The following NRXN3 variants were observed in gnomAD, a reference collection of about 807,000 sequenced individuals.
NRXN3 encodes neurexin 3, also known as neurexin III.
A neutral mutation model predicts 137.6 loss-of-function variants in NRXN3; 32 were observed. The observed-to-expected ratio is 0.23, with a 90% CI of 0.18 to 0.31. NRXN3 has a LOEUF of 0.31. Ranked by LOEUF, NRXN3 falls within the 10% of genes least tolerant of loss-of-function variation. The pLI, the probability that NRXN3 is intolerant of heterozygous loss-of-function variation, is 1.00. For synonymous variants in NRXN3, 798 were observed against 784.5 expected (o/e 1.02, Z -0.29); for missense variants, 1,574 against 2,062.5 (o/e 0.76, Z 4.59).
intron 6 of NRXN3, among the ~76,000 whole-genome samples, chr14:78,669,252 G>T (rs2097914005): frequency 6.7e-6 from 1 of 149,864 alleles, no homozygotes; most frequent in Non-Finnish European, 1.5e-5. Flanking sequence ...AAAGGAAGTA[G>T]AAGTGGCGGT....
chr14:78,785,311 T>C (rs992342243), intron 8 of NRXN3, among the ~76,000 whole-genome samples: 7 of 152,178 alleles, frequency 4.6e-5, no homozygotes, highest in African/African-American at 1.7e-4. Context: ...ACAGTGTCAC[T>C]GAGTCATAAA....
Position 78,810,318 on chromosome 14 carries a change from A to G in NRXN3, c.2249A>G (p.Asp750Gly). ...GGRVKLMVNL[D>G]CIRINCNSSK... is the part of the protein sequence containing the mutation. ...CTTTCATTTATTTTTCCCCATCTAGACTGTATCAGGATAAACTGTAACTCC... is the reference window on the plus strand; with the variant it reads ...CTTTCATTTATTTTTCCCCATCTAGGCTGTATCAGGATAAACTGTAACTCC... Residue 750 changes from aspartate (D) to glycine (G), a missense_variant and splice_region_variant, in exon 10 of 21, where the codon GAC becomes GGC. Physicochemically the swap from Asp to Gly is moderately conservative, Grantham distance 94. Coordinates refer to ENST00000335750, the MANE Select transcript of NRXN3 (RefSeq NM_001330195.2). 6.6e-7 allele frequency: 1 copy of G among 1,508,092 alleles called. No homozygotes were observed. Among genetic ancestry groups the G allele is most frequent in the South Asian group, 1.3e-5 (1 of 78,340 alleles). 93.4% of individuals were successfully genotyped at this position (1,508,092 alleles called of 1,614,324 possible). A position where few individuals can be genotyped will look rare whatever the true frequency, so the allele number is the denominator to read the frequency against.
chr14:78,449,967 A>G (rs2094512342), intron 4 of NRXN3, among the ~76,000 whole-genome samples: 2 of 152,100 alleles, frequency 1.3e-5, no homozygotes, highest in South Asian at 4.1e-4. Context: ...TGTCTACCCA[A>G]CTCATTTCCT....
At chr14:79,029,285 G>A (rs114675175) in intron 15 of NRXN3, among the ~76,000 whole-genome samples, 2,225 of 152,174 alleles carry the variant, frequency 0.015, 37 homozygotes, top group African/African-American at 0.042. Context: ...TAACCATATA[G>A]CATCTATTTG....
intron 15 of NRXN3, among the ~76,000 whole-genome samples, chr14:79,227,795 T>TTCCTTCCTTCCTTCCC (rs1568684986): frequency 3.3e-5 from 1 of 30,644 alleles, no homozygotes; most frequent in Admixed American, 4.7e-4. Context: ...CCCTCCTCCC[T>TTCCTTCCTTCCTTCCC]TCCTCCCTTC....
chr14:79,125,747 C>T (rs1318507442), intron 15 of NRXN3, among the ~76,000 whole-genome samples: 2 of 152,126 alleles, frequency 1.3e-5, no homozygotes, highest in Non-Finnish European at 2.9e-5. Flanking sequence ...TGATGTCAGT[C>T]TTCTGGTTGA....
intron 15 of NRXN3, among the ~76,000 whole-genome samples, chr14:79,437,401 T>C (rs1315187070): frequency 1.3e-5 from 2 of 151,396 alleles, no homozygotes; most frequent in Admixed American, 1.3e-4. Context: ...ATGTTAATCC[T>C]GAAATGTGCG....
intron 4 of NRXN3, among the ~76,000 whole-genome samples, chr14:78,506,643 GTTT>G (rs71131653): frequency 3.7e-3 from 386 of 105,176 alleles, no homozygotes; most frequent in African/African-American, 0.012. Context: ...TCTCATTGTA[GTTT>G]TTTTTTTTTT....
chr14:78,859,061 G>C (rs1334408715), intron 10 of NRXN3, among the ~76,000 whole-genome samples: 4 of 152,056 alleles, frequency 2.6e-5, no homozygotes, highest in Admixed American at 6.6e-5. Context: ...AAATCACAGG[G>C]GGGCGGTTTC....
At chr14:78,815,686 C>T (rs904764919) in intron 10 of NRXN3, among the ~76,000 whole-genome samples, 1 of 151,820 alleles carries the variant, frequency 6.6e-6, no homozygotes, top group Non-Finnish European at 1.5e-5. Flanking sequence ...CTCCATGGTA[C>T]AAGAATATGT....
At chr14:78,273,409 A>G (rs889062262) in intron 2 of NRXN3, among the ~76,000 whole-genome samples, 2 of 152,204 alleles carry the variant, frequency 1.3e-5, no homozygotes, top group African/African-American at 4.8e-5. Context: ...TGATTTTATT[A>G]CCTTCATATA....
At chr14:79,504,082 T>TAC (rs1470281968) in intron 16 of NRXN3, among the ~76,000 whole-genome samples, 1 of 152,204 alleles carries the variant, frequency 6.6e-6, no homozygotes, top group Non-Finnish European at 1.5e-5. Context: ...TACTATAATG[T>TAC]ACACTCTTAC....
intron 15 of NRXN3, among the ~76,000 whole-genome samples, chr14:79,252,119 A>G (rs76191705): frequency 0.013 from 2,044 of 152,324 alleles, 25 homozygotes; most frequent in East Asian, 0.045. Context: ...GTTGACAGTT[A>G]AATATCCTAT....
At chr14:78,557,777 A>G (rs1566741252) in intron 4 of NRXN3, among the ~76,000 whole-genome samples, 1 of 152,218 alleles carries the variant, frequency 6.6e-6, no homozygotes, top group Non-Finnish European at 1.5e-5. Flanking sequence ...GTCAAAGAAT[A>G]TCTACACTCC....
At chr14:78,215,771 T>G (rs11624826) in intron 1 of NRXN3, among the ~76,000 whole-genome samples, 642 of 109,452 alleles carry the variant, frequency 5.9e-3, no homozygotes, top group South Asian at 8.6e-3. Flanking sequence ...TGCAGGGGGG[T>G]GGGGGGGGCA....
intron 15 of NRXN3, among the ~76,000 whole-genome samples, chr14:79,425,493 T>C (rs907710394): frequency 6.6e-6 from 1 of 152,204 alleles, no homozygotes; most frequent in Non-Finnish European, 1.5e-5. Flanking sequence ...TTTCTATCAG[T>C]CAGATTTATA....
At chr14:79,287,569 A>G (rs1338427568) in intron 15 of NRXN3, among the ~76,000 whole-genome samples, 1 of 152,150 alleles carries the variant, frequency 6.6e-6, no homozygotes, top group Admixed American at 6.5e-5. Flanking sequence ...GTGGAAGTGA[A>G]GTACTTCTTT....
chr14:78,988,329 A>C, intron 15 of NRXN3, 188 bp downstream of exon 15: 1 of 672,574 alleles, frequency 1.5e-6, no homozygotes, highest in Non-Finnish European at 2.6e-6. Context: ...TTGCTTAACA[A>C]CACTAAATAT....
chr14:79,305,897 G>A (rs1015265276), intron 15 of NRXN3, among the ~76,000 whole-genome samples: 1 of 152,112 alleles, frequency 6.6e-6, no homozygotes, highest in South Asian at 2.1e-4. Flanking sequence ...AAGTGGGGTC[G>A]GAGTGGAATG....
Sources: allele counts gnomAD v4.1 joint callset (sites outside exome capture counted in the v4.1 genomes callset), GRCh38; gene constraint gnomAD v4.1.1; transcripts MANE v1.5; gene names NCBI Gene and HGNC (gene_info 2026-07-23, HGNC 2026-07-21).